USP54: variants seen among roughly 807,000 people sequenced by gnomAD.
The protein encoded by USP54 is ubiquitin specific peptidase 54.
Under a neutral mutation model 170.5 loss-of-function variants are expected in USP54, and 87 were observed. The ratio of observed to expected loss-of-function variants is 0.51; its 90% CI spans 0.43 to 0.61. The LOEUF is 0.61. USP54 is among the 20% of genes least tolerant of loss of function. The pLI, the probability that USP54 is intolerant of heterozygous loss-of-function variation, is 0.00. For missense variants in USP54, 1,786 were observed against 2,047.8 expected (o/e 0.87, Z 2.47); for synonymous variants, 655 against 742.8 (o/e 0.88, Z 1.92).
intron 20 of USP54, among the ~76,000 whole-genome samples, chr10:73,508,873 G>A (rs1169199640): frequency 2.0e-5 from 3 of 151,502 alleles, no homozygotes; most frequent in Non-Finnish European, 4.4e-5. Flanking sequence ...TCACCATGTT[G>A]GCCAGGCTGG....
chr10:73,548,728 G>A (rs1004177240), intron 4 of USP54, among the ~76,000 whole-genome samples: 14 of 152,108 alleles, frequency 9.2e-5, no homozygotes, highest in Admixed American at 5.2e-4. Context: ...GGGGCCTGTC[G>A]GGAGGTGGGG....
chr10:73,603,030 G>C (rs1013850513), intron 1 of USP54, among the ~76,000 whole-genome samples: 2 of 151,922 alleles, frequency 1.3e-5, no homozygotes, highest in African/African-American at 4.8e-5. Flanking sequence ...AAAAATCTAA[G>C]AAAGAACTCA....
At chr10:73,591,789 C>T (rs371664282), upstream of USP54, among the ~76,000 whole-genome samples, 1 of 151,990 alleles carries the variant, frequency 6.6e-6, no homozygotes, top group Admixed American at 6.6e-5. Context: ...CACGAGAAGA[C>T]AACATTTTTG....
At chr10:73,525,389 ATGG>A (rs2133356097) in intron 16 of USP54, among the ~76,000 whole-genome samples, 2 of 152,272 alleles carry the variant, frequency 1.3e-5, no homozygotes, top group African/African-American at 4.8e-5. Flanking sequence ...TACAAACAGG[ATGG>A]TGGGGTGATA....
chr10:73,543,492 G>A (rs1226111180), intron 5 of USP54, among the ~76,000 whole-genome samples: 2 of 151,136 alleles, frequency 1.3e-5, no homozygotes, highest in Non-Finnish European at 3.0e-5. Context: ...TCAGCCTCCC[G>A]AGTAGCTGGG....
chr10:73,508,451 G>GT (rs1468810065), intron 20 of USP54, among the ~76,000 whole-genome samples: 1 of 151,238 alleles, frequency 6.6e-6, no homozygotes, highest in Non-Finnish European at 1.5e-5. Context: ...GTGGCCATTT[G>GT]TAAGGGAATT....
At chr10:73,544,329 C>T (rs1171686634) in intron 5 of USP54, among the ~76,000 whole-genome samples, 1 of 152,148 alleles carries the variant, frequency 6.6e-6, no homozygotes, top group Non-Finnish European at 1.5e-5. Flanking sequence ...TATAAAAATA[C>T]TTAATGCTTT....
intron 22 of USP54, chr10:73,504,629 C>T (rs942410663): frequency 2.4e-5 from 15 of 613,026 alleles, no homozygotes; most frequent in Admixed American, 9.1e-5. Context: ...CCCTACAACA[C>T]GCACGGCCTT....
rs77565476 is a variant in USP54 at position 73,552,412 on chromosome 10, C to CAA, written c.241-6742_241-6741dup. ...TGGGTGATAGAGTGAGGCTCCATCT[C>CAA]AAAAAAAAAAAAAAAAGTATTTACT... On this transcript the variant is annotated intron_variant, in intron 4 of 23. Coordinates refer to ENST00000687698, the MANE Select transcript of USP54 (RefSeq NM_001391956.1). Among the ~76,000 whole-genome samples the CAA allele has an allele frequency of 4.1e-4, 39 of 95,438 alleles. No individual in the cohort carries two copies. In the East Asian group the frequency reaches 7.8e-3, roughly 19 times the overall value. 62.6% of individuals were successfully genotyped at this position (95,438 alleles called of 152,430 possible).
At chr10:73,539,916 A>T (rs1298962275) in intron 9 of USP54, among the ~76,000 whole-genome samples, 10 of 151,622 alleles carry the variant, frequency 6.6e-5, no homozygotes, top group Non-Finnish European at 1.5e-4. Flanking sequence ...TCTTGAGGTC[A>T]GGTATTCGAG....
At chr10:73,512,398 C>G (rs186909935) in intron 20 of USP54, among the ~76,000 whole-genome samples, 21 of 152,294 alleles carry the variant, frequency 1.4e-4, no homozygotes, top group African/African-American at 5.1e-4. Flanking sequence ...CTTGGCTTCT[C>G]AAAGTGCTGG....
rs866396402 is a variant in USP54 at position 73,536,323 on chromosome 10, G to A, written c.1090C>T (p.Pro364Ser). The A allele has an allele frequency of 1.2e-6, 2 of 1,614,162 alleles. No homozygotes were observed. Among genetic ancestry groups the A allele is most frequent in the Non-Finnish European group, 1.7e-6 (2 of 1,180,012 alleles). The change falls in exon 11 of 24, where the codon CCC becomes TCC. Residue 364 changes from proline to serine, a missense_variant. Pro to Ser is a moderately conservative substitution (Grantham distance 74, BLOSUM62 -1). Transcript: ENST00000687698. The part of the protein sequence containing the change: ...GTPVSTQDLP[P>S]QAEFQSYSRT... ...CTGTATGACTGGAACTCAGCTTGGG[G>A]AGGCAGGTCCTGGGTGGAAACTGGG...
intron 1 of USP54, among the ~76,000 whole-genome samples, chr10:73,587,466 C>T (rs1424181600): frequency 6.6e-6 from 1 of 151,656 alleles, no homozygotes; most frequent in African/African-American, 2.4e-5. Flanking sequence ...CAGAGCGAGA[C>T]TCCATCTCAA....
intron 1 of USP54, among the ~76,000 whole-genome samples, chr10:73,605,686 C>T (rs2079562020): frequency 6.6e-6 from 1 of 152,076 alleles, no homozygotes; most frequent in Non-Finnish European, 1.5e-5. Context: ...ATACATGCTA[C>T]AACACAGATG....
chr10:73,552,589 G>A (rs533392910), intron 4 of USP54, among the ~76,000 whole-genome samples: 3 of 152,124 alleles, frequency 2.0e-5, no homozygotes, highest in South Asian at 2.1e-4. Flanking sequence ...TCAGGAATTC[G>A]AGACCAGCCT....
intron 4 of USP54, among the ~76,000 whole-genome samples, chr10:73,558,211 A>G (rs2071702080): frequency 6.6e-6 from 1 of 152,114 alleles, no homozygotes. Flanking sequence ...GACAGGCATC[A>G]TGGTTCAAAG....
intron 21 of USP54, 33 bp from the exon 22 acceptor site, chr10:73,505,023 A>G: frequency 1.2e-6 from 2 of 1,613,370 alleles, no homozygotes; most frequent in Non-Finnish European, 1.7e-6. Context: ...AGGCAGACAC[A>G]TAATACCAGA....
At chr10:73,523,514 G>T in intron 17 of USP54, 69 bp downstream of exon 17, 1 of 1,457,288 alleles carries the variant, frequency 6.9e-7, no homozygotes, top group Non-Finnish European at 9.2e-7. Flanking sequence ...GAACTTACAA[G>T]CTTAGATGTT....
chr10:73,607,998 A>T (rs899288478), intron 1 of USP54, among the ~76,000 whole-genome samples: 7 of 152,136 alleles, frequency 4.6e-5, no homozygotes, highest in African/African-American at 1.7e-4. Context: ...ACGGTGGCTC[A>T]TGCCTATAAT....
Sources: gnomAD v4.1 joint callset for allele counts (sites outside exome capture counted in the v4.1 genomes callset) on GRCh38, gnomAD v4.1.1 for gene constraint, MANE v1.5 for transcripts, NCBI Gene and HGNC (gene_info 2026-07-23, HGNC 2026-07-21) for gene names.